VPS13B: variants seen among roughly 807,000 people sequenced by gnomAD.
VPS13B encodes the protein intermembrane lipid transfer protein VPS13B.
VPS13B carries 285 observed loss-of-function variants against 426.4 expected under a neutral mutation model. That is an observed-to-expected ratio of 0.67 (90% CI 0.61 to 0.74). The LOEUF is 0.74. Ranked by LOEUF, VPS13B falls within the 30% of genes least tolerant of loss-of-function variation. The probability of loss-of-function intolerance (pLI) is 0.00; values close to 1 mark genes in which losing one functional copy is unlikely to be tolerated. For missense variants in VPS13B, 4,537 were observed against 4,782.6 expected (o/e 0.95, Z 1.51); for synonymous variants, 1,676 against 1,676.4 (o/e 1.00, Z 0.01).
At chr8:99,472,945 C>T (rs1207370617) in intron 24 of VPS13B, among the ~76,000 whole-genome samples, 1 of 151,844 alleles carries the variant, frequency 6.6e-6, no homozygotes, top group African/African-American at 2.4e-5. Flanking sequence ...AAAAGAATTC[C>T]ATCAAAGTTG....
intron 25 of VPS13B, among the ~76,000 whole-genome samples, chr8:99,492,868 C>T (rs559639631): frequency 6.6e-6 from 1 of 152,306 alleles, no homozygotes; most frequent in South Asian, 2.1e-4. Flanking sequence ...CCTCCATGGG[C>T]TGCACCCACT....
rs908194083 is a variant in VPS13B, at chr8:99,740,675, T to G, written c.7050+19628T>G. 9.2e-5 allele frequency among the ~76,000 whole-genome samples: 14 copies of G among 152,174 alleles called. 1 individual carries two copies. The highest frequency in any genetic ancestry group is 1.5e-5 in the Non-Finnish European group (1 of 68,028). ...GAGAGTGGGGGCCAATATTCAACAT[T>G]CTTAAAGAAAAGAATTTTGAACCCA... On this transcript the variant is annotated intron_variant, in intron 39 of 61. Coordinates refer to ENST00000357162, the MANE Select transcript of VPS13B (RefSeq NM_152564.5).
intron 17 of VPS13B, among the ~76,000 whole-genome samples, chr8:99,273,614 G>A (rs1216643550): frequency 2.6e-5 from 4 of 151,864 alleles, no homozygotes; most frequent in Admixed American, 2.0e-4. Context: ...CTGAAACCGC[G>A]TCTCTACTAA....
chr8:99,577,577 C>G lies in VPS13B; in HGVS notation c.5164C>G (p.His1722Asp). 6.2e-7 allele frequency: 1 copy of G among 1,613,822 alleles called. No individual in the cohort carries two copies. The highest frequency in any genetic ancestry group is 8.5e-7 in the Non-Finnish European group (1 of 1,179,760). The change falls in exon 33 of 62, where the codon CAT (histidine) becomes GAT (aspartate). Residue 1722 changes from histidine (H) to aspartate (D), a missense_variant. His to Asp is a moderately conservative substitution (Grantham distance 81). This residue lies in a region of VPS13B where 4,311 missense variants were observed against 4,474.3 expected (regional missense o/e 0.96). Transcript: ENST00000357162. ...FLSVAQVQLL[H>D]QLIVANMTGL... Reference sequence around the variant, plus strand: ...AAGTGTGGCTCAAGTTCAACTCTTACATCAGTTAATAGTAGCAAATATGAC... The same window carrying G: ...AAGTGTGGCTCAAGTTCAACTCTTAGATCAGTTAATAGTAGCAAATATGAC...
chr8:99,440,776 G>T (rs1352381629), intron 22 of VPS13B, among the ~76,000 whole-genome samples: 1 of 151,894 alleles, frequency 6.6e-6, no homozygotes, highest in South Asian at 2.1e-4. Flanking sequence ...TTTTCCTAAG[G>T]ATATGTATGC....
chr8:99,310,897 T>C (rs748334309), intron 19 of VPS13B, among the ~76,000 whole-genome samples: 57 of 152,294 alleles, frequency 3.7e-4, no homozygotes, highest in Non-Finnish European at 6.6e-4. Flanking sequence ...TTTTAGTCTT[T>C]GGAGGGTGTA....
intron 34 of VPS13B, among the ~76,000 whole-genome samples, chr8:99,645,474 T>G (rs1332327093): frequency 6.6e-6 from 1 of 152,198 alleles, no homozygotes; most frequent in Non-Finnish European, 1.5e-5. Context: ...ATTAGTAAAG[T>G]GATCTTAGGC....
chr8:99,752,241 A>G (rs1214379785), intron 39 of VPS13B, among the ~76,000 whole-genome samples: 1 of 152,162 alleles, frequency 6.6e-6, no homozygotes, highest in Non-Finnish European at 1.5e-5. Context: ...AAGGCAGGCA[A>G]TGCCTTTACC....
intron 13 of VPS13B, among the ~76,000 whole-genome samples, chr8:99,146,290 CCTTT>C (rs1810724921): frequency 6.6e-6 from 1 of 152,114 alleles, no homozygotes; most frequent in African/African-American, 2.4e-5. Flanking sequence ...CTAGCACCAT[CCTTT>C]CTTTATTGAA....
At chr8:99,191,423 G>A (rs561407458) in intron 16 of VPS13B, among the ~76,000 whole-genome samples, 5 of 116,192 alleles carry the variant, frequency 4.3e-5, no homozygotes, top group Admixed American at 1.2e-4. Flanking sequence ...TGTCTCTGTC[G>A]CCCAGGCTGG....
intron 35 of VPS13B, among the ~76,000 whole-genome samples, chr8:99,666,545 C>T (rs1563852770): frequency 6.6e-6 from 1 of 152,094 alleles, no homozygotes; most frequent in Non-Finnish European, 1.5e-5. Context: ...TAAACAGAAC[C>T]AAAGACAAAA....
chr8:99,571,761 T>C (rs1825488493), intron 31 of VPS13B, among the ~76,000 whole-genome samples: 1 of 152,220 alleles, frequency 6.6e-6, no homozygotes, highest in South Asian at 2.1e-4. Context: ...ATAATTATGA[T>C]GTCTCTCAGG....
In VPS13B at chr8:99,871,452, A is replaced by G; in HGVS notation, c.11500A>G (p.Met3834Val). ...PNSHVKYVWK[M>V]LQSLGRPEVH... ...CACTTTTCTCCTTTTAAACAGGAAA[A>G]TGCTTCAGTCTCTGGGCAGACCAGA... The change falls in exon 61 of 62, where the codon ATG becomes GTG. Residue 3834 changes from methionine to valine, a missense_variant. Transcript: ENST00000357162. 1 of 1,614,140 alleles carries G rather than the reference A, an allele frequency of 6.2e-7. No individual in the cohort carries two copies. The highest frequency in any genetic ancestry group is 8.5e-7 in the Non-Finnish European group (1 of 1,180,028).
chr8:99,784,203 C>A, intron 42 of VPS13B, 112 bp from the exon 43 acceptor site: 4 of 1,364,904 alleles, frequency 2.9e-6, no homozygotes, highest in Non-Finnish European at 3.1e-6. Flanking sequence ...GAGCTAATGA[C>A]AACAGATCTT....
chr8:99,274,440 A>C (rs1818788734), intron 18 of VPS13B, 108 bp downstream of exon 18: 2 of 1,540,282 alleles, frequency 1.3e-6, no homozygotes, highest in Non-Finnish European at 1.8e-6. Flanking sequence ...GTTGCTATGA[A>C]TCAGACGTTT....
Position 99,541,348 on chromosome 8 carries a change from CT to C in VPS13B, c.4746-15099del, listed in dbSNP as rs1213707455. The stretch of plus-strand genomic sequence containing the variant: ...ATAAGCATGGCACATTTTTTTTTAA[CT>C]TTAAGTTCTGGATTACACGTGCTGG... On this transcript the variant is annotated intron_variant, in intron 30 of 61. Transcript: ENST00000357162. Among the ~76,000 whole-genome samples, 12 of 151,596 alleles carry C rather than the reference CT, an allele frequency of 7.9e-5. No homozygotes were observed. The East Asian group carries it at 2.3e-3, about 29-fold the overall frequency.
At chr8:99,562,400 C>T (rs981889960) in intron 31 of VPS13B, among the ~76,000 whole-genome samples, 1 of 151,702 alleles carries the variant, frequency 6.6e-6, no homozygotes, top group Non-Finnish European at 1.5e-5. Context: ...CCTGCCTCAT[C>T]CTCCCAAGTA....
At chr8:99,312,927 A>G (rs147586309) in intron 19 of VPS13B, among the ~76,000 whole-genome samples, 1 of 152,086 alleles carries the variant, frequency 6.6e-6, no homozygotes, top group Non-Finnish European at 1.5e-5. Context: ...TTGATCTTCA[A>G]TCCCTGATGC....
chr8:99,253,025 A>C (rs1817578535), intron 17 of VPS13B, among the ~76,000 whole-genome samples: 1 of 151,908 alleles, frequency 6.6e-6, no homozygotes, highest in Non-Finnish European at 1.5e-5. Context: ...GGCAATCACT[A>C]ATCTACTTAG....
Sources: allele counts gnomAD v4.1 joint callset (sites outside exome capture counted in the v4.1 genomes callset), GRCh38; gene constraint gnomAD v4.1.1; regional missense constraint gnomAD v4.1.1; transcripts MANE v1.5; gene names NCBI Gene and HGNC (gene_info 2026-07-23, HGNC 2026-07-21).